The following MICAL3 variants were observed in gnomAD, a reference collection of about 807,000 sequenced individuals.
MICAL3 encodes the protein microtubule associated monooxygenase, calponin and LIM domain containing 3.
MICAL3 carries 62 observed loss-of-function variants against 207.4 expected under a neutral mutation model. The ratio of observed to expected loss-of-function variants is 0.30; its 90% CI spans 0.24 to 0.37. MICAL3 has a LOEUF of 0.37. Ranked by LOEUF, MICAL3 falls within the 10% of genes least tolerant of loss-of-function variation. The pLI is 1.00. For missense variants in MICAL3, 2,368 were observed against 2,635.6 expected, an observed-to-expected ratio of 0.90 and a Z score of 2.22; for synonymous variants, 1,077 against 1,069.3, an observed-to-expected ratio of 1.01 and a Z score of -0.14.
chr22:17,901,128 G>A (rs1208227607), intron 5 of MICAL3, 131 bp from the exon 6 acceptor site: 1 of 803,818 alleles, frequency 1.2e-6, no homozygotes, highest in Non-Finnish European at 2.0e-6. Flanking sequence ...AGTTAGGGCA[G>A]CTCTTCTGCA....
chr22:17,896,771 T>G lies in MICAL3; in HGVS notation c.1159A>C (p.Asn387His). The G allele has an allele frequency of 1.2e-6, 2 of 1,613,910 alleles. No homozygotes were observed. Among genetic ancestry groups the G allele is most frequent in the Non-Finnish European group, 1.7e-6 (2 of 1,179,932 alleles). ...AGAGCCACTAGTAACTGGTGTCCGT[T>G]CTGCTCCCGCACCAAGGCGGCGTTC... ...SENAALVREQNGHQLLVALVG... is the reference protein window; with the variant it reads ...SENAALVREQHGHQLLVALVG... Residue 387 changes from asparagine to histidine, a missense_variant, in exon 8 of 32, where the codon AAC becomes CAC. Around this residue, in one of 4 missense-constraint regions of MICAL3, gnomAD observed 400 missense variants for 547.0 expected, o/e 0.73. Transcript: ENST00000441493.
At chr22:17,926,118 T>C (rs373479860) in intron 1 of MICAL3, among the ~76,000 whole-genome samples, 1 of 152,124 alleles carries the variant, frequency 6.6e-6, no homozygotes, top group Non-Finnish European at 1.5e-5. Flanking sequence ...TCTTCATCAG[T>C]AGAACATGAG....
At chr22:17,799,413 G>A (rs1391414001) in intron 29 of MICAL3, among the ~76,000 whole-genome samples, 3 of 152,190 alleles carry the variant, frequency 2.0e-5, no homozygotes, top group Non-Finnish European at 4.4e-5. Context: ...AAAGTGCTCA[G>A]GGCTGGAATT....
intron 29 of MICAL3, among the ~76,000 whole-genome samples, chr22:17,794,489 C>G (rs557252918): frequency 1.3e-5 from 2 of 152,242 alleles, no homozygotes; most frequent in African/African-American, 4.8e-5. Context: ...GCCTCCAGGA[C>G]GCTCACACCT....
chr22:17,879,228 G>A (rs901002844), intron 16 of MICAL3: 27 of 764,528 alleles, frequency 3.5e-5, no homozygotes, highest in South Asian at 2.7e-4. Context: ...TGACAAGAGC[G>A]TGCAAAAAGC....
At chr22:17,971,185 A>AGG (rs541281285) in intron 1 of MICAL3, among the ~76,000 whole-genome samples, 1 of 149,486 alleles carries the variant, frequency 6.7e-6, no homozygotes, top group South Asian at 2.1e-4. Flanking sequence ...TCAGAAAAAA[A>AGG]GGGGGGGGCT....
chr22:17,879,092 C>T (rs972437680), intron 16 of MICAL3, among the ~76,000 whole-genome samples: 3 of 152,158 alleles, frequency 2.0e-5, no homozygotes, highest in African/African-American at 7.2e-5. Flanking sequence ...GTCATTAAGG[C>T]CCTTTACAAT....
intron 24 of MICAL3, 25 bp downstream of exon 24, chr22:17,822,005 T>C (rs1432855717): frequency 6.2e-7 from 1 of 1,611,462 alleles, no homozygotes; most frequent in Non-Finnish European, 8.5e-7. Flanking sequence ...CTGAAAGTTG[T>C]TTCTCCCATC....
chr22:17,985,280 G>A (rs34097737), intron 1 of MICAL3, among the ~76,000 whole-genome samples: 64,113 of 150,652 alleles, frequency 0.43, 14,148 homozygotes, highest in Middle Eastern at 0.57. Flanking sequence ...CTGCGTGCCC[G>A]ATTCCCTGCC....
At chr22:17,931,334 A>C (rs889881218) in intron 1 of MICAL3, among the ~76,000 whole-genome samples, 1 of 152,226 alleles carries the variant, frequency 6.6e-6, no homozygotes, top group South Asian at 2.1e-4. Context: ...AGGGTATCGC[A>C]TAAGTGGTCT....
chr22:17,851,610 T>C (rs1421414579), intron 19 of MICAL3, among the ~76,000 whole-genome samples: 1 of 152,194 alleles, frequency 6.6e-6, no homozygotes, highest in Non-Finnish European at 1.5e-5. Context: ...GGTTTCCTGA[T>C]CTTAACACAG....
At chr22:17,932,819 T>A (rs981986046) in intron 1 of MICAL3, among the ~76,000 whole-genome samples, 22 of 152,142 alleles carry the variant, frequency 1.4e-4, no homozygotes, top group Admixed American at 5.2e-4. Context: ...GAGGTTGCAA[T>A]CCTAGTCTCT....
chr22:17,833,996 T>C (rs568485612), intron 20 of MICAL3, among the ~76,000 whole-genome samples: 6 of 152,264 alleles, frequency 3.9e-5, no homozygotes, highest in African/African-American at 1.4e-4. Flanking sequence ...ACCATAACCA[T>C]GAGTACAACA....
chr22:17,795,751 G>A (rs779891052), intron 29 of MICAL3, among the ~76,000 whole-genome samples: 5 of 152,312 alleles, frequency 3.3e-5, no homozygotes, highest in African/African-American at 7.2e-5. Context: ...TTCCCTGTAC[G>A]CTCCACACTT....
chr22:17,988,912 C>G (rs942870671), intron 1 of MICAL3, among the ~76,000 whole-genome samples: 1 of 152,208 alleles, frequency 6.6e-6, no homozygotes, highest in Non-Finnish European at 1.5e-5. Flanking sequence ...CTGTGGCTGC[C>G]TTCACACAAC....
At position 17,811,946 on chromosome 22, in the gene MICAL3, G is replaced by A. The variant is rs557196304; in HGVS notation, c.5446-1133C>T. 3.9e-5 allele frequency among the ~76,000 whole-genome samples: 6 copies of A among 152,196 alleles called. No homozygotes were observed. In the East Asian group the frequency reaches 5.8e-4, roughly 15 times the overall value. On this transcript the variant is annotated intron_variant, in intron 27 of 31. Coordinates refer to ENST00000441493, the MANE Select transcript of MICAL3 (RefSeq NM_015241.3). Reference sequence around the variant, plus strand: ...TTTTTTTTTGCAGAGACGGGATCTCGTTATATTGCCCAAGCTGGTCTTAAT... The same window carrying A: ...TTTTTTTTTGCAGAGACGGGATCTCATTATATTGCCCAAGCTGGTCTTAAT...
Position 17,927,726 on chromosome 22 carries a change from T to A in MICAL3, c.-74-20840A>T, listed in dbSNP as rs150756497. Among the ~76,000 whole-genome samples the A allele has an allele frequency of 5.8e-3, 877 of 152,242 alleles. 10 individuals are homozygous for A. Among genetic ancestry groups the A allele is most frequent in the Non-Finnish European group, 6.6e-3 (450 of 68,010 alleles). On this transcript the variant is annotated intron_variant, in intron 1 of 31. Transcript: ENST00000441493. ...ACCTCTGCTTGTCCTCTGAGCTGCT[T>A]CAGTCTTCTCTGAACTAAGGCAGAT...
chr22:17,968,737 C>G (rs1377488888), intron 1 of MICAL3, among the ~76,000 whole-genome samples: 1 of 152,072 alleles, frequency 6.6e-6, no homozygotes, highest in African/African-American at 2.4e-5. Context: ...ATGTGGCCAC[C>G]AAACAGTTTG....
chr22:17,955,284 G>A (rs997849720), intron 1 of MICAL3, among the ~76,000 whole-genome samples: 3 of 152,134 alleles, frequency 2.0e-5, no homozygotes, highest in Non-Finnish European at 4.4e-5. Flanking sequence ...AAGAATGCAA[G>A]GATCTGTCCA....
Sources: allele counts gnomAD v4.1 joint callset (sites outside exome capture counted in the v4.1 genomes callset), GRCh38; gene constraint gnomAD v4.1.1; regional missense constraint gnomAD v4.1.1; transcripts MANE v1.5; gene names NCBI Gene and HGNC (gene_info 2026-07-23, HGNC 2026-07-21).